The following SORCS2 variants were observed in gnomAD, a reference collection of about 807,000 sequenced individuals.
SORCS2 encodes the protein sortilin related VPS10 domain containing receptor 2, also known as VPS10 domain-containing receptor SorCS2.
A neutral mutation model predicts 141.6 loss-of-function variants in SORCS2; 100 were observed. The observed-to-expected ratio is 0.71, with a 90% CI of 0.60 to 0.83. The LOEUF (loss-of-function observed/expected upper bound fraction) is 0.83, where lower values mean the gene tolerates loss of function less well. Among genes scored for constraint, SORCS2 ranks in the 40% least tolerant of loss-of-function variants. The pLI is 0.00. For missense variants in SORCS2, 1,646 were observed against 1,560.2 expected (o/e 1.05, Z -0.93); for synonymous variants, 789 against 676.9 (o/e 1.17, Z -2.57).
intron 2 of SORCS2, among the ~76,000 whole-genome samples, chr4:7,455,515 G>A (rs1277957916): frequency 2.1e-5 from 3 of 144,088 alleles, no homozygotes; most frequent in Non-Finnish European, 3.0e-5. Flanking sequence ...TCCGTGTTGG[G>A]GTCAGCCTCC....
At chr4:7,380,548 T>A (rs147564681) in intron 1 of SORCS2, among the ~76,000 whole-genome samples, 4 of 152,322 alleles carry the variant, frequency 2.6e-5, no homozygotes, top group African/African-American at 9.6e-5. Flanking sequence ...GAGTAGAGCA[T>A]CTGATGGCTT....
intron 1 of SORCS2, among the ~76,000 whole-genome samples, chr4:7,214,147 C>T (rs1728197206): frequency 2.6e-5 from 4 of 152,154 alleles, no homozygotes; most frequent in Non-Finnish European, 5.9e-5. Context: ...CTGGGGACAG[C>T]TGGTGGGTGG....
Position 7,389,813 on chromosome 4 carries a change from T to C in SORCS2, c.481-6475T>C, listed in dbSNP as rs2109096068. 1.3e-5 allele frequency among the ~76,000 whole-genome samples: 2 copies of C among 151,950 alleles called. 1 individual carries two copies. The highest frequency in any genetic ancestry group is 6.8e-3 in the Middle Eastern group (2 of 294). Reference sequence around the variant, plus strand: ...GCCGGAGCTCATGGCCAAGGGGGTGTGTTTGGAGTGCAGTCCGCGGTAGTG... The same window carrying C: ...GCCGGAGCTCATGGCCAAGGGGGTGCGTTTGGAGTGCAGTCCGCGGTAGTG... On this transcript the variant is annotated intron_variant, in intron 1 of 26. Transcript: ENST00000507866.
intron 1 of SORCS2, among the ~76,000 whole-genome samples, chr4:7,345,050 T>G (rs1720579113): frequency 6.6e-6 from 1 of 152,126 alleles, no homozygotes; most frequent in Non-Finnish European, 1.5e-5. Context: ...GTAGGCTGTT[T>G]GCCACAAGTT....
intron 18 of SORCS2, among the ~76,000 whole-genome samples, chr4:7,722,469 A>G (rs1560111250): frequency 6.6e-6 from 1 of 152,172 alleles, no homozygotes. Context: ...GCCTGAACCC[A>G]CACAAGTCTC....
rs569071991 is a variant in SORCS2 at position 7,731,515 on chromosome 4, T to C, written c.3108+1803T>C. Among the ~76,000 whole-genome samples, 3 of 152,214 alleles carry C rather than the reference T, an allele frequency of 2.0e-5. No individual in the cohort carries two copies. The South Asian group carries it at 6.2e-4, about 32-fold the overall frequency. ...AAAGGCCTGAAATAGCCAAAGCCAT[T>C]TTGAGCAAAAAGAAAAAAGCTGGAA... On this transcript the variant is annotated intron_variant, in intron 23 of 26. Coordinates refer to ENST00000507866, the MANE Select transcript of SORCS2 (RefSeq NM_020777.3).
chr4:7,354,927 A>C (rs538219050), intron 1 of SORCS2, among the ~76,000 whole-genome samples: 5 of 152,324 alleles, frequency 3.3e-5, no homozygotes, highest in African/African-American at 9.6e-5. Flanking sequence ...ATTTCATAGA[A>C]TATTAGGTGG....
chr4:7,715,073 G>A, intron 16 of SORCS2, 110 bp from the exon 17 acceptor site: 1 of 1,452,608 alleles, frequency 6.9e-7, no homozygotes, highest in Non-Finnish European at 9.5e-7. Context: ...TGCATAGCAG[G>A]CCCTTGACAT....
intron 4 of SORCS2, among the ~76,000 whole-genome samples, chr4:7,645,842 G>A (rs924492008): frequency 3.3e-5 from 5 of 152,208 alleles, no homozygotes; most frequent in African/African-American, 1.2e-4. Flanking sequence ...GACAGCCCAT[G>A]GCTTGCTGAC....
intron 2 of SORCS2, among the ~76,000 whole-genome samples, chr4:7,505,617 G>A (rs1458132714): frequency 6.6e-6 from 1 of 152,118 alleles, no homozygotes; most frequent in Non-Finnish European, 1.5e-5. Flanking sequence ...GAAGTCACAT[G>A]TACAAAGCAG....
intron 1 of SORCS2, among the ~76,000 whole-genome samples, chr4:7,327,974 C>G (rs1389272996): frequency 3.3e-5 from 5 of 149,960 alleles, no homozygotes; most frequent in African/African-American, 4.9e-5. Flanking sequence ...TCTTCCTCAT[C>G]ATCAGAGTTT....
At chr4:7,692,463 G>A (rs1039651474) in intron 11 of SORCS2, among the ~76,000 whole-genome samples, 2 of 152,252 alleles carry the variant, frequency 1.3e-5, no homozygotes, top group African/African-American at 4.8e-5. Flanking sequence ...AACCTCCACT[G>A]TAAGGATGAG....
intron 2 of SORCS2, among the ~76,000 whole-genome samples, chr4:7,529,825 A>G (rs1482994338): frequency 7.9e-5 from 12 of 152,152 alleles, no homozygotes; most frequent in Admixed American, 5.9e-4. Flanking sequence ...CGTCCTAATT[A>G]TACCTCCACT....
rs946429668 is a variant in SORCS2, at chr4:7,648,485, G to A, written c.814-5649G>A. Among the ~76,000 whole-genome samples the A allele has an allele frequency of 6.6e-5, 10 of 152,180 alleles. No individual in the cohort carries two copies. The South Asian group carries it at 2.1e-3, about 32-fold the overall frequency. On this transcript the variant is annotated intron_variant, in intron 4 of 26. Transcript: ENST00000507866. The surrounding 1 kb of genome is among the most constrained non-coding windows in gnomAD (Gnocchi z 4.2). ...AGCCCCCGCCTTCCTCTGCCTGGGAGTATTTATAGAGGGCCTTCTAGGTTT... is the reference window on the plus strand; with the variant it reads ...AGCCCCCGCCTTCCTCTGCCTGGGAATATTTATAGAGGGCCTTCTAGGTTT...
chr4:7,330,759 G>A (rs1322672426), intron 1 of SORCS2, among the ~76,000 whole-genome samples: 1 of 151,990 alleles, frequency 6.6e-6, no homozygotes. Flanking sequence ...TCAAGGAAAC[G>A]GAGACTTCCA....
At chr4:7,649,367 G>C (rs1169644386) in intron 4 of SORCS2, among the ~76,000 whole-genome samples, 1 of 151,818 alleles carries the variant, frequency 6.6e-6, no homozygotes, top group Non-Finnish European at 1.5e-5. Flanking sequence ...GGGGGGCTGT[G>C]TACCCATGTG....
rs1156926732 is a variant in SORCS2, at chr4:7,193,238, G to T, written c.480+112G>T. The T allele has an allele frequency of 7.9e-7, 1 of 1,269,716 alleles. No individual in the cohort carries two copies. The highest frequency in any genetic ancestry group is 1.0e-6 in the Non-Finnish European group (1 of 1,003,490). The allele number at this position is 1,269,716 out of a possible 1,614,324, so 78.7% of individuals were successfully genotyped here. A position where few individuals can be genotyped will look rare whatever the true frequency, so the allele number is the denominator to read the frequency against. On this transcript the variant is annotated intron_variant, in intron 1 of 26. Transcript: ENST00000507866. The surrounding 1 kb of genome is among the most constrained non-coding windows in gnomAD (Gnocchi z 4.8). ...TCCCCACTATGGTCATCAGGGGCGG[G>T]TTCTTGGCGACTTGGGCACTTGGGT...
At chr4:7,615,516 T>A (rs977528882) in intron 3 of SORCS2, among the ~76,000 whole-genome samples, 1 of 152,142 alleles carries the variant, frequency 6.6e-6, no homozygotes, top group African/African-American at 2.4e-5. Context: ...CCTGGGGTGA[T>A]CTAAGAGGGA....
At chr4:7,461,739 C>T (rs143382767) in intron 2 of SORCS2, among the ~76,000 whole-genome samples, 1 of 152,182 alleles carries the variant, frequency 6.6e-6, no homozygotes, top group Non-Finnish European at 1.5e-5. Context: ...TTGGACAGGG[C>T]GTTCTGGGTG....
Sources: allele counts gnomAD v4.1 joint callset (sites outside exome capture counted in the v4.1 genomes callset), GRCh38; gene constraint gnomAD v4.1.1; non-coding constraint Gnocchi (gnomAD v3.1); transcripts MANE v1.5; gene names NCBI Gene and HGNC (gene_info 2026-07-23, HGNC 2026-07-21).